The following TIAM1 variants were observed in gnomAD, a reference collection of about 807,000 sequenced individuals.
TIAM1 encodes the protein rho guanine nucleotide exchange factor TIAM1.
In TIAM1, 65 loss-of-function variants were observed where a neutral mutation model predicts 163.5. That is an observed-to-expected ratio of 0.40 (90% CI 0.33 to 0.49). TIAM1 has a LOEUF of 0.49. TIAM1 is among the 20% of genes least tolerant of loss of function. The pLI is 0.77. For synonymous variants in TIAM1, 833 were observed against 810.1 expected, an observed-to-expected ratio of 1.03 and a Z score of -0.48; for missense variants, 1,789 against 2,044.7, an observed-to-expected ratio of 0.87 and a Z score of 2.41.
intron 2 of TIAM1, among the ~76,000 whole-genome samples, chr21:31,439,747 C>T (rs944855020): frequency 6.6e-6 from 1 of 152,204 alleles, no homozygotes; most frequent in Non-Finnish European, 1.5e-5. Flanking sequence ...ACTTACTTTA[C>T]CCGCATCCTC....
At chr21:31,394,074 C>A (rs1242827670) in intron 2 of TIAM1, among the ~76,000 whole-genome samples, 1 of 152,070 alleles carries the variant, frequency 6.6e-6, no homozygotes, top group Non-Finnish European at 1.5e-5. Flanking sequence ...CAATTTTATT[C>A]ATAATTGCTA....
At chr21:31,394,731 C>T (rs1195239931) in intron 2 of TIAM1, among the ~76,000 whole-genome samples, 1 of 57,350 alleles carries the variant, frequency 1.7e-5, no homozygotes, top group Non-Finnish European at 3.8e-5. Context: ...CTCTCTCTCA[C>T]ACACACACAC....
At chr21:31,462,882 A>C (rs968326689) in intron 2 of TIAM1, among the ~76,000 whole-genome samples, 1 of 152,032 alleles carries the variant, frequency 6.6e-6, no homozygotes, top group Non-Finnish European at 1.5e-5. Flanking sequence ...AGCTGGGATT[A>C]CAGGCACCTG....
At chr21:31,501,957 C>T (rs1170826714) in intron 1 of TIAM1, among the ~76,000 whole-genome samples, 1 of 152,150 alleles carries the variant, frequency 6.6e-6, no homozygotes, top group East Asian at 1.9e-4. Context: ...AATGTGGGAC[C>T]AACGGGCTGA....
intron 10 of TIAM1, chr21:31,212,636 A>T: frequency 8.3e-6 from 1 of 119,820 alleles, no homozygotes; most frequent in Non-Finnish European, 1.6e-5. Flanking sequence ...TTTTTGAGAG[A>T]GAGTCTTGCT....
intron 1 of TIAM1, among the ~76,000 whole-genome samples, chr21:31,499,377 C>T (rs745566121): frequency 6.6e-6 from 1 of 150,668 alleles, no homozygotes; most frequent in Admixed American, 6.6e-5. Context: ...CTGGGCAACA[C>T]GGTGAAATCG....
intron 2 of TIAM1, among the ~76,000 whole-genome samples, chr21:31,428,130 C>CT (rs2043865000): frequency 6.6e-6 from 1 of 151,962 alleles, no homozygotes; most frequent in Admixed American, 6.6e-5. Context: ...GCCTAGTGGC[C>CT]TGTAATTTCA....
At chr21:31,535,380 C>CAAAAAAAAA (rs59742048) in intron 1 of TIAM1, among the ~76,000 whole-genome samples, 4 of 54,300 alleles carry the variant, frequency 7.4e-5, no homozygotes, top group African/African-American at 1.4e-4. Flanking sequence ...GGCTCCATCT[C>CAAAAAAAAA]AAAAAAAAAA....
At chr21:31,476,102 C>T (rs2045928612) in intron 1 of TIAM1, among the ~76,000 whole-genome samples, 1 of 152,212 alleles carries the variant, frequency 6.6e-6, no homozygotes, top group African/African-American at 2.4e-5. Context: ...AACGAAATAT[C>T]TGCCACTGTT....
chr21:31,178,937 G>A (rs1378534251), intron 15 of TIAM1, among the ~76,000 whole-genome samples: 2 of 151,388 alleles, frequency 1.3e-5, no homozygotes, highest in Non-Finnish European at 2.9e-5. Context: ...TTTTAGTAGA[G>A]ACGGGGTTTC....
intron 2 of TIAM1, among the ~76,000 whole-genome samples, chr21:31,412,328 G>A (rs1030321995): frequency 3.0e-4 from 45 of 152,188 alleles, no homozygotes; most frequent in African/African-American, 1.1e-3. Context: ...TGGGCACAAT[G>A]TATGTTATTT....
At chr21:31,153,892 C>T (rs2146323892) in intron 17 of TIAM1, among the ~76,000 whole-genome samples, 1 of 136,418 alleles carries the variant, frequency 7.3e-6, no homozygotes, top group South Asian at 2.2e-4. Context: ...GAAACCTCCT[C>T]TCTACAAAAA....
At chr21:31,199,175 C>G (rs1473663589) in intron 12 of TIAM1, among the ~76,000 whole-genome samples, 1 of 152,148 alleles carries the variant, frequency 6.6e-6, no homozygotes, top group Non-Finnish European at 1.5e-5. Context: ...AAATCAGGAT[C>G]ATTTCTTTCT....
intron 2 of TIAM1, among the ~76,000 whole-genome samples, chr21:31,412,327 T>C (rs954364875): frequency 2.0e-5 from 3 of 151,998 alleles, no homozygotes; most frequent in African/African-American, 7.3e-5. Flanking sequence ...ATGGGCACAA[T>C]GTATGTTATT....
intron 2 of TIAM1, among the ~76,000 whole-genome samples, chr21:31,371,249 G>A (rs115189583): frequency 6.7e-4 from 102 of 152,284 alleles, no homozygotes; most frequent in African/African-American, 1.9e-3. Flanking sequence ...ACCTCTGGCC[G>A]GTTCTGCCGA....
intron 2 of TIAM1, among the ~76,000 whole-genome samples, chr21:31,410,205 A>AT (rs2077324259): frequency 1.3e-5 from 2 of 151,332 alleles, no homozygotes; most frequent in African/African-American, 4.9e-5. Flanking sequence ...AGTGATTGTG[A>AT]GTGTGTGTGA....
intron 1 of TIAM1, among the ~76,000 whole-genome samples, chr21:31,468,482 C>CAAA (rs1028649328): frequency 7.5e-6 from 1 of 132,620 alleles, no homozygotes; most frequent in African/African-American, 2.8e-5. Flanking sequence ...GACTACCTCT[C>CAAA]AAAAAAAAAA....
intron 1 of TIAM1, among the ~76,000 whole-genome samples, chr21:31,484,865 G>A (rs2046222123): frequency 6.6e-6 from 1 of 152,214 alleles, no homozygotes; most frequent in South Asian, 2.1e-4. Context: ...TTTCGGAGGT[G>A]ACTGGGTAGG....
chr21:31,161,908 T>C (rs931751008), intron 16 of TIAM1, among the ~76,000 whole-genome samples: 2 of 152,216 alleles, frequency 1.3e-5, no homozygotes, highest in Admixed American at 1.3e-4. Context: ...AAACTTCAGG[T>C]GTTTTCTTGC....
Sources: gnomAD v4.1 joint callset for allele counts (sites outside exome capture counted in the v4.1 genomes callset) on GRCh38, gnomAD v4.1.1 for gene constraint, MANE v1.5 for transcripts, NCBI Gene and HGNC (gene_info 2026-07-23, HGNC 2026-07-21) for gene names.